The following ENPP7 variants were observed in gnomAD, a reference collection of about 807,000 sequenced individuals.
ENPP7 encodes the protein ectonucleotide pyrophosphatase/phosphodiesterase family member 7.
A neutral mutation model predicts 33.6 loss-of-function variants in ENPP7; 39 were observed. The ratio of observed to expected loss-of-function variants is 1.16; its 90% CI spans 0.90 to 1.52. The LOEUF (loss-of-function observed/expected upper bound fraction) is 1.52, where lower values mean the gene tolerates loss of function less well. Among genes scored for constraint, ENPP7 ranks in the 40% most tolerant of loss-of-function variants. The pLI is 0.00. For missense variants in ENPP7, 594 were observed against 641.0 expected, an observed-to-expected ratio of 0.93 and a Z score of 0.79; for synonymous variants, 244 against 274.3, an observed-to-expected ratio of 0.89 and a Z score of 1.09.
rs1555823288 is a variant in ENPP7, at chr17:79,735,271, C to T, written c.628C>T (p.Pro210Ser). Residue 210 changes from proline (P) to serine (S), a missense_variant, in exon 3 of 6, where the codon CCG (proline) becomes TCG (serine). By Grantham distance (74) the Pro-to-Ser change is moderately conservative. Transcript: ENST00000328313. The surrounding 1 kb of genome is among the most constrained non-coding windows in gnomAD (Gnocchi z 5.5). ...STGHRYGPESPERREMVRQVD... is the reference protein window; with the variant it reads ...STGHRYGPESSERREMVRQVD... ...GGGCCACAGGTACGGCCCCGAGTCC[C>T]CGGAGAGGAGGGAGATGGTGCGGCA... The T allele has an allele frequency of 1.2e-6, 2 of 1,613,540 alleles. No individual in the cohort carries two copies. The highest frequency in any genetic ancestry group is 1.1e-5 in the South Asian group (1 of 91,080).
intron 3 of ENPP7, among the ~76,000 whole-genome samples, chr17:79,736,832 C>T (rs1555823689): frequency 6.6e-6 from 1 of 152,214 alleles, no homozygotes; most frequent in African/African-American, 2.4e-5. Flanking sequence ...GTCTGGTCTC[C>T]GTTCATTTAA....
In ENPP7 at chr17:79,733,906, G is replaced by A. The variant is rs2094290634; in HGVS notation, c.399+253G>A. ...ACAGCCCTGCCCGGTCCTCTCTGGG[G>A]GGCCCTGGGAGCAAGAGGGATTGCT... On this transcript the variant is annotated intron_variant, in intron 2 of 5. Transcript: ENST00000328313. Among the ~76,000 whole-genome samples the A allele has an allele frequency of 3.3e-5, 5 of 152,318 alleles. No homozygotes were observed. In the East Asian group the frequency reaches 5.8e-4, roughly 18 times the overall value.
At chr17:79,733,736 A>C in intron 2 of ENPP7, 83 bp downstream of exon 2, 1 of 1,408,126 alleles carries the variant, frequency 7.1e-7, no homozygotes, top group Non-Finnish European at 9.6e-7. Flanking sequence ...TGTGAGATCC[A>C]CGGCAGGTCC....
intron 3 of ENPP7, among the ~76,000 whole-genome samples, chr17:79,736,724 C>T (rs1451293000): frequency 6.6e-6 from 1 of 152,214 alleles, no homozygotes; most frequent in Non-Finnish European, 1.5e-5. Flanking sequence ...AGCAGACATC[C>T]CCGGAAAGGA....
chr17:79,735,540 C>A lies in ENPP7; in HGVS notation c.897C>A (p.Ala299=), dbSNP rs11657217. 5 of 1,613,448 alleles carry A rather than the reference C, an allele frequency of 3.1e-6. No homozygotes were observed. The South Asian group carries it at 3.3e-5, about 11-fold the overall frequency. ...GGAGGCTGGAGAAGGTGTACGATGC[C>A]CTCAAGGACGCCCACCCCAAGCTCC... ...KEGRLEKVYD[A]LKDAHPKLHV... is the part of the protein sequence containing the mutation. The change falls in exon 3 of 6, where the codon GCC becomes GCA. Residue 299 remains alanine, a synonymous_variant. Transcript: ENST00000328313. The surrounding 1 kb of genome is among the most constrained non-coding windows in gnomAD (Gnocchi z 5.5).
intron 2 of ENPP7, 71 bp from the exon 3 acceptor site, chr17:79,734,972 T>C (rs2094292380): frequency 6.6e-7 from 1 of 1,518,688 alleles, no homozygotes. Context: ...GGGGGACAAA[T>C]GTGTTCACAG....
Position 79,737,263 on chromosome 17 carries a change from G to A in ENPP7, c.1246+3G>A, listed in dbSNP as rs1269865800. 17 of 1,594,156 alleles carry A rather than the reference G, an allele frequency of 1.1e-5. No individual in the cohort carries two copies. The highest frequency in any genetic ancestry group is 2.7e-5 in the African/African-American group (2 of 74,696). On this transcript the variant is annotated splice_donor_region_variant and intron_variant, in intron 4 of 5. Transcript: ENST00000328313. The surrounding 1 kb of genome is among the most constrained non-coding windows in gnomAD (Gnocchi z 5.5). ...TCTGCTGCCCATGCTGCACACAGGT[G>A]AGGGCAGGGTGCCCCAAATCCCCGC... is the stretch of plus-strand genomic sequence containing the variant.
In ENPP7 at chr17:79,733,553, A is replaced by G. The variant is rs1555822947; in HGVS notation, c.299A>G (p.Asn100Ser). The G allele has an allele frequency of 6.2e-7, 1 of 1,613,540 alleles. No individual in the cohort carries two copies. The highest frequency in any genetic ancestry group is 8.5e-7 in the Non-Finnish European group (1 of 1,179,998). ...GGGGTGGTTCACAACATGTACTACAACACCACCAGCAAGGTGAAGCTGCCC... is the reference window on the plus strand; with the variant it reads ...GGGGTGGTTCACAACATGTACTACAGCACCACCAGCAAGGTGAAGCTGCCC... ...NHGVVHNMYYNTTSKVKLPYH... is the reference protein window; with the variant it reads ...NHGVVHNMYYSTTSKVKLPYH... Residue 100 changes from asparagine (N) to serine (S), a missense_variant, in exon 2 of 6, where the codon AAC (asparagine) becomes AGC (serine). By Grantham distance (46) the Asn-to-Ser change is conservative. Coordinates refer to ENST00000328313, the MANE Select transcript of ENPP7 (RefSeq NM_178543.5).
At chr17:79,734,147 C>T (rs146139026) in intron 2 of ENPP7, among the ~76,000 whole-genome samples, 1 of 151,090 alleles carries the variant, frequency 6.6e-6, no homozygotes, top group East Asian at 1.9e-4. Flanking sequence ...GGAACCCCCC[C>T]ACCCACCCCC....
chr17:79,737,055 G>A lies in ENPP7; in HGVS notation c.1041G>A (p.Gln347=). Residue 347 remains glutamine (Q), a synonymous_variant, in exon 4 of 6, where the codon CAG becomes CAA. Coordinates refer to ENST00000328313, the MANE Select transcript of ENPP7 (RefSeq NM_178543.5). This position sits in a 1 kb window ranked among gnomAD's most constrained non-coding sequence, Gnocchi z 5.5. The part of the protein sequence containing the change: ...GYVIHGRINV[Q]FNNGEHGFDN... ...CTCCCCGGCAGAGAATTAACGTCCAGTTCAACAATGGGGAGCACGGCTTTG... is the reference window on the plus strand; with the variant it reads ...CTCCCCGGCAGAGAATTAACGTCCAATTCAACAATGGGGAGCACGGCTTTG... 2 of 1,614,092 alleles carry A rather than the reference G, an allele frequency of 1.2e-6. No homozygotes were observed. Among genetic ancestry groups the A allele is most frequent in the Non-Finnish European group, 1.7e-6 (2 of 1,180,034 alleles).
At chr17:79,731,596 C>A (rs879973080) in intron 1 of ENPP7, among the ~76,000 whole-genome samples, 2 of 152,230 alleles carry the variant, frequency 1.3e-5, no homozygotes, top group African/African-American at 4.8e-5. Flanking sequence ...AACCCGTGGC[C>A]ACAGCCAGGG....
In ENPP7 at chr17:79,737,021, C is replaced by T. The variant is rs1555823716; in HGVS notation, c.1027-20C>T. On this transcript the variant is annotated intron_variant, in intron 3 of 5. Transcript: ENST00000328313. This position sits in a 1 kb window ranked among gnomAD's most constrained non-coding sequence, Gnocchi z 5.5. ...GTTGCTCCCAGCAAGGACCCAGGACCCTTGCCCGCTCCCCGGCAGAGAATT... is the reference window on the plus strand; with the variant it reads ...GTTGCTCCCAGCAAGGACCCAGGACTCTTGCCCGCTCCCCGGCAGAGAATT... 6.2e-7 allele frequency: 1 copy of T among 1,612,116 alleles called. No individual in the cohort carries two copies. Among genetic ancestry groups the T allele is most frequent in the Non-Finnish European group, 8.5e-7 (1 of 1,178,510 alleles).
At chr17:79,731,480 G>A in intron 1 of ENPP7, 88 bp downstream of exon 1, 1 of 1,458,996 alleles carries the variant, frequency 6.9e-7, no homozygotes, top group Non-Finnish European at 9.1e-7. Context: ...ATAAAGGGGA[G>A]AGGTCCTTGC....
rs1017387651 is a variant in ENPP7 at position 79,737,843 on chromosome 17, C to T, written c.1247-73C>T. On this transcript the variant is annotated intron_variant, in intron 4 of 5. Transcript: ENST00000328313. This position sits in a 1 kb window ranked among gnomAD's most constrained non-coding sequence, Gnocchi z 5.5. ...GGCTCGTGGGGACCAACAGAGGACC[C>T]CGAGTTTACTGTGGAGAGGCTGGGG... 1 of 1,555,814 alleles carries T rather than the reference C, an allele frequency of 6.4e-7. No individual in the cohort carries two copies.
intron 1 of ENPP7, among the ~76,000 whole-genome samples, chr17:79,732,691 T>C (rs1555822786): frequency 6.6e-6 from 1 of 152,164 alleles, no homozygotes; most frequent in African/African-American, 2.4e-5. Flanking sequence ...ACTTTCCTCT[T>C]CTCACTAGTA....
rs1555823941 is a variant in ENPP7, at chr17:79,737,845, G to A, written c.1247-71G>A. ...CTCGTGGGGACCAACAGAGGACCCC[G>A]AGTTTACTGTGGAGAGGCTGGGGTG... is the stretch of plus-strand genomic sequence containing the variant. On this transcript the variant is annotated intron_variant, in intron 4 of 5. Coordinates refer to ENST00000328313, the MANE Select transcript of ENPP7 (RefSeq NM_178543.5). The surrounding 1 kb of genome is among the most constrained non-coding windows in gnomAD (Gnocchi z 5.5). 11 of 1,559,074 alleles carry A rather than the reference G, an allele frequency of 7.1e-6. No homozygotes were observed. The highest frequency in any genetic ancestry group is 3.3e-5 in the South Asian group (3 of 89,632).
chr17:79,737,109 C>A lies in ENPP7; in HGVS notation c.1095C>A (p.Ile365=), dbSNP rs782792062. The change falls in exon 4 of 6, where the codon ATC becomes ATA. Residue 365 remains isoleucine, a synonymous_variant. Coordinates refer to ENST00000328313, the MANE Select transcript of ENPP7 (RefSeq NM_178543.5). The surrounding 1 kb of genome is among the most constrained non-coding windows in gnomAD (Gnocchi z 5.5). ...FDNKDMDMKT[I]FRAVGPSFRA... ...ACAAGGACATGGACATGAAGACCATCTTCCGCGCTGTGGGCCCTAGCTTCA... is the reference window on the plus strand; with the variant it reads ...ACAAGGACATGGACATGAAGACCATATTCCGCGCTGTGGGCCCTAGCTTCA... 6.2e-7 allele frequency: 1 copy of A among 1,614,212 alleles called. No individual in the cohort carries two copies. The highest frequency in any genetic ancestry group is 1.1e-5 in the South Asian group (1 of 91,092).
At chr17:79,741,721 T>C (rs1905539077) in intron 5 of ENPP7, 73 bp from the exon 6 acceptor site, 2 of 851,164 alleles carry the variant, frequency 2.3e-6, no homozygotes, top group Non-Finnish European at 2.8e-6. Context: ...CTGCTTCACC[T>C]GTCCCACCAG....
intron 5 of ENPP7, among the ~76,000 whole-genome samples, chr17:79,740,988 T>C (rs1905482844): frequency 6.6e-6 from 1 of 152,126 alleles, no homozygotes. Flanking sequence ...TTTTCTTTTC[T>C]TTTCTTTTCT....
Sources: gnomAD v4.1 joint callset for allele counts (sites outside exome capture counted in the v4.1 genomes callset) on GRCh38, gnomAD v4.1.1 for gene constraint, Gnocchi (gnomAD v3.1) non-coding constraint, MANE v1.5 for transcripts, NCBI Gene and HGNC (gene_info 2026-07-23, HGNC 2026-07-21) for gene names.